Variants in ACOXL observed in about 807,000 individuals in gnomAD.
ACOXL encodes the protein acyl-CoA oxidase like.
ACOXL carries 70 observed loss-of-function variants against 71.9 expected under a neutral mutation model. The observed-to-expected ratio is 0.97, with a 90% CI of 0.80 to 1.19. The LOEUF is 1.19. ACOXL is among the 50% of genes most tolerant of loss of function. The pLI, the probability that ACOXL is intolerant of heterozygous loss-of-function variation, is 0.00. For missense variants in ACOXL, 703 were observed against 736.3 expected (o/e 0.95, Z 0.52); for synonymous variants, 253 against 281.6 (o/e 0.90, Z 1.02).
intron 12 of ACOXL, among the ~76,000 whole-genome samples, chr2:110,971,989 G>A (rs1260316798): frequency 2.0e-5 from 3 of 152,166 alleles, no homozygotes; most frequent in Non-Finnish European, 4.4e-5. Context: ...TTAATTGGAA[G>A]CTCTAGCTTG....
intron 9 of ACOXL, among the ~76,000 whole-genome samples, chr2:110,817,787 A>G (rs935693656): frequency 6.6e-6 from 1 of 152,126 alleles, no homozygotes; most frequent in East Asian, 1.9e-4. Context: ...AAATATTTGC[A>G]TATCTCATTT....
intron 12 of ACOXL, among the ~76,000 whole-genome samples, chr2:110,954,557 A>G (rs186178677): frequency 2.6e-4 from 39 of 152,312 alleles, no homozygotes; most frequent in African/African-American, 9.1e-4. Flanking sequence ...GAAGTGAATT[A>G]TTAGCATTCT....
chr2:111,093,463 T>C, intron 17 of ACOXL: 1 of 1,614,032 alleles, frequency 6.2e-7, no homozygotes. Flanking sequence ...GTAAAACACA[T>C]TTCTGATTAC....
intron 10 of ACOXL, chr2:110,887,918 A>G (rs1176233398): frequency 6.6e-6 from 1 of 152,160 alleles, no homozygotes; most frequent in African/African-American, 2.4e-5. Context: ...GCGTCTGTTT[A>G]CCTCTCCTGT....
chr2:111,083,357 T>C (rs2068028301), intron 16 of ACOXL, among the ~76,000 whole-genome samples: 1 of 152,114 alleles, frequency 6.6e-6, no homozygotes, highest in African/African-American at 2.4e-5. Context: ...TTCATAGTTA[T>C]AGTTTATTAC....
intron 1 of ACOXL, among the ~76,000 whole-genome samples, chr2:110,744,540 A>C (rs752213267): frequency 3.3e-5 from 5 of 152,156 alleles, no homozygotes; most frequent in Non-Finnish European, 5.9e-5. Flanking sequence ...TGAGGTAAGC[A>C]CTTGTCCTTA....
At chr2:110,936,022 G>T (rs369690132) in intron 12 of ACOXL, among the ~76,000 whole-genome samples, 1 of 152,110 alleles carries the variant, frequency 6.6e-6, no homozygotes, top group South Asian at 2.1e-4. Flanking sequence ...CTGACAGGAG[G>T]TGGAGCTCAG....
chr2:111,017,123 A>G (rs757233411), intron 14 of ACOXL, among the ~76,000 whole-genome samples: 2 of 152,228 alleles, frequency 1.3e-5, no homozygotes, highest in African/African-American at 2.4e-5. Context: ...ACCGCACTAC[A>G]GTTTCTTGAA....
chr2:110,767,619 C>A (rs1014042990), intron 1 of ACOXL, among the ~76,000 whole-genome samples: 40 of 152,166 alleles, frequency 2.6e-4, no homozygotes, highest in African/African-American at 9.2e-4. Flanking sequence ...GGTGTGGCAG[C>A]TGGAAGCAGG....
chr2:110,948,920 A>G (rs2061223075), intron 12 of ACOXL, among the ~76,000 whole-genome samples: 1 of 151,576 alleles, frequency 6.6e-6, no homozygotes, highest in Non-Finnish European at 1.5e-5. Context: ...AATAACATAG[A>G]TGGTGTTTGT....
chr2:110,761,763 G>A (rs1399581232), intron 1 of ACOXL, among the ~76,000 whole-genome samples: 2 of 152,198 alleles, frequency 1.3e-5, no homozygotes, highest in Non-Finnish European at 2.9e-5. Context: ...TAACTTCTCT[G>A]CTGTTTGATG....
chr2:110,741,781 C>T (rs1256695413), intron 1 of ACOXL, among the ~76,000 whole-genome samples: 1 of 152,130 alleles, frequency 6.6e-6, no homozygotes, highest in South Asian at 2.1e-4. Flanking sequence ...TTTGGTTTAA[C>T]CAATCTCTTA....
At chr2:111,029,834 T>G (rs1049203150) in intron 14 of ACOXL, among the ~76,000 whole-genome samples, 3 of 152,190 alleles carry the variant, frequency 2.0e-5, no homozygotes, top group Non-Finnish European at 4.4e-5. Context: ...AAGGGGCCTT[T>G]CCTCTTCACT....
intron 10 of ACOXL, among the ~76,000 whole-genome samples, chr2:110,869,459 C>T (rs538805415): frequency 6.6e-6 from 1 of 152,198 alleles, no homozygotes; most frequent in Admixed American, 6.5e-5. Context: ...TTTGGAGGCT[C>T]ACTGGCCACA....
At chr2:110,972,647 G>T (rs554396638) in intron 12 of ACOXL, among the ~76,000 whole-genome samples, 1 of 95,602 alleles carries the variant, frequency 1.0e-5, no homozygotes, top group African/African-American at 3.9e-5. Context: ...ACACACACAC[G>T]TGCACACACA....
intron 16 of ACOXL, among the ~76,000 whole-genome samples, chr2:111,092,425 G>A (rs1574737197): frequency 6.6e-6 from 1 of 152,112 alleles, no homozygotes; most frequent in East Asian, 1.9e-4. Context: ...TATTTTTTGT[G>A]AAAGTTTACC....
At chr2:110,739,110 T>G (rs1573270288) in intron 1 of ACOXL, among the ~76,000 whole-genome samples, 1 of 152,230 alleles carries the variant, frequency 6.6e-6, no homozygotes, top group East Asian at 1.9e-4. Flanking sequence ...TTTTGACCTT[T>G]TTTATGTTTG....
intron 12 of ACOXL, among the ~76,000 whole-genome samples, chr2:110,945,535 G>A (rs1485739441): frequency 2.0e-5 from 3 of 152,054 alleles, no homozygotes; most frequent in Admixed American, 6.5e-5. Flanking sequence ...TGTAAGGAAC[G>A]GGTCCAGTTC....
intron 12 of ACOXL, among the ~76,000 whole-genome samples, chr2:110,966,523 G>A (rs1277435844): frequency 7.2e-5 from 11 of 152,224 alleles, no homozygotes; most frequent in Admixed American, 5.9e-4. Context: ...ATCAAGTAGC[G>A]TGCAGCAGAG....
Sources: gnomAD v4.1 joint callset for allele counts (sites outside exome capture counted in the v4.1 genomes callset) on GRCh38, gnomAD v4.1.1 for gene constraint, MANE v1.5 for transcripts, NCBI Gene and HGNC (gene_info 2026-07-23, HGNC 2026-07-21) for gene names.